The following DNAH3 variants were observed in gnomAD, a reference collection of about 807,000 sequenced individuals.
The protein encoded by DNAH3 is axonemal beta dynein heavy chain 3.
In DNAH3, 332 loss-of-function variants were observed where a neutral mutation model predicts 432.5. The ratio of observed to expected loss-of-function variants is 0.77; its 90% CI spans 0.70 to 0.84. The LOEUF (loss-of-function observed/expected upper bound fraction) is 0.84. Ranked by LOEUF, DNAH3 falls within the 40% of genes least tolerant of loss-of-function variation. DNAH3 has a pLI of 0.00. For synonymous variants in DNAH3, 1,956 were observed against 1,900.2 expected (o/e 1.03, Z -0.76); for missense variants, 4,861 against 5,114.0 (o/e 0.95, Z 1.51).
exon 45 of DNAH3, chr16:20,987,951 A>G: frequency 1.2e-6 from 2 of 1,614,232 alleles, no homozygotes; most frequent in Non-Finnish European, 1.7e-6. Context: ...CCTTAAAAAC[A>G]TCACATCAAA....
intron 15 of DNAH3, among the ~76,000 whole-genome samples, chr16:21,106,097 T>C (rs1393498736): frequency 1.3e-5 from 2 of 149,332 alleles, no homozygotes; most frequent in Admixed American, 6.7e-5. Context: ...GGAGAATTGC[T>C]TGAACCCAGG....
chr16:21,124,116 T>C (rs2092399459), intron 9 of DNAH3, among the ~76,000 whole-genome samples: 1 of 152,108 alleles, frequency 6.6e-6, no homozygotes, highest in Non-Finnish European at 1.5e-5. Context: ...TCATTTTGAC[T>C]TCCCTAAAAC....
chr16:20,942,173 C>T (rs755562341), intron 58 of DNAH3, among the ~76,000 whole-genome samples: 1 of 152,188 alleles, frequency 6.6e-6, no homozygotes, highest in Non-Finnish European at 1.5e-5. Context: ...CAGCACTAAG[C>T]CTCTGTCTTC....
intron 6 of DNAH3, 150 bp from the exon 8 acceptor site, chr16:21,134,604 C>CA (rs1255121575): frequency 1.6e-6 from 1 of 616,020 alleles, no homozygotes; most frequent in Non-Finnish European, 2.7e-6. Flanking sequence ...GTGATCCTCC[C>CA]ACCTCAGCCT....
At chr16:20,982,667 G>A (rs373544849) in intron 49 of DNAH3, 54 bp downstream of exon 49, 20 of 1,468,914 alleles carry the variant, frequency 1.4e-5, no homozygotes, top group African/African-American at 9.8e-5. Context: ...TAGAGCCAGC[G>A]TCTGGACTTC....
intron 3 of DNAH3, 58 bp from the exon 5 acceptor site, chr16:21,141,430 G>C (rs935832166): frequency 4.0e-6 from 5 of 1,252,212 alleles, no homozygotes; most frequent in Non-Finnish European, 5.7e-6. Context: ...GCCATTCTCC[G>C]TCCACAGGGG....
intron 35 of DNAH3, among the ~76,000 whole-genome samples, chr16:21,036,456 C>T (rs1353751550): frequency 6.6e-6 from 1 of 152,066 alleles, no homozygotes; most frequent in South Asian, 2.1e-4. Flanking sequence ...ACTCTGTCAC[C>T]CAGGCTGGAA....
intron 18 of DNAH3, among the ~76,000 whole-genome samples, chr16:21,088,213 T>G (rs1424065972): frequency 6.6e-6 from 1 of 152,142 alleles, no homozygotes; most frequent in Non-Finnish European, 1.5e-5. Flanking sequence ...TAAAAAAAAG[T>G]ATCCTTCATG....
At position 21,129,140 on chromosome 16, in the gene DNAH3, T is replaced by TC. The variant is rs540223309; in HGVS notation, c.1083-1329dup. The TC allele has an allele frequency of 2.0e-3, 302 of 152,098 alleles. 1 individual carries two copies. Among genetic ancestry groups the TC allele is most frequent in the Non-Finnish European group, 2.7e-3 (181 of 68,236 alleles). 9.4% of individuals were successfully genotyped at this position (152,098 alleles called of 1,614,324 possible). ...TCTTGCTCCTGTCCTGCCTGTCACCTCCCCCCCTCCCCATCTCCTCTCCTA... is the reference window on the plus strand; with the variant it reads ...TCTTGCTCCTGTCCTGCCTGTCACCTCCCCCCCCTCCCCATCTCCTCTCCTA... On this transcript the variant is annotated intron_variant, in intron 7 of 61. Transcript: ENST00000261383.
intron 12 of DNAH3, among the ~76,000 whole-genome samples, chr16:21,112,725 C>T (rs970867837): frequency 1.3e-5 from 2 of 152,150 alleles, no homozygotes; most frequent in Non-Finnish European, 2.9e-5. Context: ...AATCTCATGT[C>T]CTCAAATTTA....
At chr16:21,041,720 G>C (rs1026042854) in intron 32 of DNAH3, among the ~76,000 whole-genome samples, 1 of 152,144 alleles carries the variant, frequency 6.6e-6, no homozygotes, top group Non-Finnish European at 1.5e-5. Context: ...CCTAGGCTGA[G>C]TGCAACGGCG....
chr16:21,120,937 C>T, intron 10 of DNAH3: 1 of 1,023,836 alleles, frequency 9.8e-7, no homozygotes, highest in Non-Finnish European at 1.5e-6. Context: ...GAGAGCTGCC[C>T]AGTGTTTCTT....
chr16:21,042,644 T>C (rs1372771896), intron 31 of DNAH3, among the ~76,000 whole-genome samples: 1 of 152,136 alleles, frequency 6.6e-6, no homozygotes, highest in Non-Finnish European at 1.5e-5. Context: ...CTTTACTAGA[T>C]CGCAACAGTC....
intron 6 of DNAH3, among the ~76,000 whole-genome samples, chr16:21,135,563 C>A (rs111237756): frequency 2.3e-4 from 35 of 152,066 alleles, no homozygotes; most frequent in African/African-American, 7.2e-4. Context: ...AGTGGTGGTG[C>A]GTGCCTGTAG....
intron 49 of DNAH3, among the ~76,000 whole-genome samples, chr16:20,980,532 C>G (rs1165947413): frequency 2.0e-5 from 3 of 151,166 alleles, no homozygotes; most frequent in African/African-American, 7.3e-5. Context: ...ACCACCACAC[C>G]CAGCTAATCT....
At chr16:20,980,565 TG>T (rs1200042276) in intron 49 of DNAH3, among the ~76,000 whole-genome samples, 1 of 150,966 alleles carries the variant, frequency 6.6e-6, no homozygotes, top group East Asian at 1.9e-4. Flanking sequence ...GTAGAGATGG[TG>T]GGGGGTGGGG....
intron 49 of DNAH3, among the ~76,000 whole-genome samples, chr16:20,982,500 T>C (rs2085956499): frequency 6.6e-6 from 1 of 152,196 alleles, no homozygotes; most frequent in Non-Finnish European, 1.5e-5. Flanking sequence ...CAGGTTCTCA[T>C]AGCTAGGACA....
At chr16:21,042,261 C>G in intron 31 of DNAH3, 58 bp from the exon 32 acceptor site, 2 of 1,516,676 alleles carry the variant, frequency 1.3e-6, no homozygotes, top group Non-Finnish European at 1.8e-6. Flanking sequence ...AACCACCCTA[C>G]TCTACCGGAG....
At chr16:20,935,577 T>C in intron 60 of DNAH3, 92 bp from the exon 61 acceptor site, 1 of 1,389,832 alleles carries the variant, frequency 7.2e-7, no homozygotes, top group East Asian at 2.6e-5. Context: ...ATAAAATATG[T>C]TTTTTCATAT....
Sources: allele counts gnomAD v4.1 joint callset (sites outside exome capture counted in the v4.1 genomes callset), GRCh38; gene constraint gnomAD v4.1.1; transcripts MANE v1.5; gene names NCBI Gene and HGNC (gene_info 2026-07-23, HGNC 2026-07-21).